Variants in MARCHF11 observed in about 807,000 individuals in gnomAD.
MARCHF11 encodes the protein E3 ubiquitin-protein ligase MARCHF11.
MARCHF11 carries 29 observed loss-of-function variants against 37.3 expected under a neutral mutation model. The observed-to-expected ratio is 0.78, with a 90% CI of 0.58 to 1.06. The LOEUF (loss-of-function observed/expected upper bound fraction) is 1.06, where lower values mean the gene tolerates loss of function less well. MARCHF11 is among the 50% of genes least tolerant of loss of function. The pLI, the probability that MARCHF11 is intolerant of heterozygous loss-of-function variation, is 0.00. For missense variants in MARCHF11, 482 were observed against 533.4 expected (o/e 0.90, Z 0.95); for synonymous variants, 233 against 228.0 (o/e 1.02, Z -0.20).
chr5:16,163,270 G>C (rs1447090302), intron 2 of MARCHF11, among the ~76,000 whole-genome samples: 4 of 151,944 alleles, frequency 2.6e-5, no homozygotes, highest in African/African-American at 9.7e-5. Context: ...GTGGCGGAAG[G>C]AGAAAATAGG....
intron 2 of MARCHF11, among the ~76,000 whole-genome samples, chr5:16,113,336 A>T (rs184474397): frequency 6.6e-4 from 100 of 152,318 alleles, no homozygotes; most frequent in African/African-American, 2.0e-3. Flanking sequence ...TCACTATTTC[A>T]ATAGTGTTCA....
intron 2 of MARCHF11, among the ~76,000 whole-genome samples, chr5:16,172,743 G>A (rs1738291419): frequency 6.6e-6 from 1 of 152,128 alleles, no homozygotes; most frequent in Admixed American, 6.5e-5. Context: ...AGGTGGAAAT[G>A]CCCCTTTCAT....
intron 2 of MARCHF11, among the ~76,000 whole-genome samples, chr5:16,116,361 A>T (rs994808708): frequency 6.6e-6 from 1 of 152,042 alleles, no homozygotes; most frequent in African/African-American, 2.4e-5. Flanking sequence ...ACTACCTCCA[A>T]TCCCATGCTC....
chr5:16,093,993 C>T (rs1736824871), intron 2 of MARCHF11, among the ~76,000 whole-genome samples: 1 of 152,084 alleles, frequency 6.6e-6, no homozygotes, highest in Admixed American at 6.6e-5. Flanking sequence ...AGTAAACAGA[C>T]GTTCCTCATA....
At chr5:16,104,333 A>T (rs1411642911) in intron 2 of MARCHF11, among the ~76,000 whole-genome samples, 2 of 152,108 alleles carry the variant, frequency 1.3e-5, no homozygotes, top group East Asian at 3.9e-4. Context: ...TGTAACAAAA[A>T]GCCCTTAAAA....
chr5:16,174,871 G>A (rs1738330697), intron 2 of MARCHF11, among the ~76,000 whole-genome samples: 1 of 152,202 alleles, frequency 6.6e-6, no homozygotes, highest in African/African-American at 2.4e-5. Flanking sequence ...CAGAAGTGGA[G>A]TCTATTTCCC....
chr5:16,168,489 T>C (rs982353004), intron 2 of MARCHF11, among the ~76,000 whole-genome samples: 3 of 152,124 alleles, frequency 2.0e-5, no homozygotes, highest in Non-Finnish European at 4.4e-5. Flanking sequence ...ATAGAAGCGA[T>C]GGTAGTATGA....
intron 2 of MARCHF11, among the ~76,000 whole-genome samples, chr5:16,147,678 A>G (rs1437735108): frequency 1.3e-5 from 1 of 78,644 alleles, no homozygotes; most frequent in African/African-American, 5.4e-5. Flanking sequence ...ATGACCATGA[A>G]TCTGTCCTCA....
At chr5:16,070,869 G>A (rs1736424603) in intron 3 of MARCHF11, among the ~76,000 whole-genome samples, 1 of 152,142 alleles carries the variant, frequency 6.6e-6, no homozygotes, top group African/African-American at 2.4e-5. Flanking sequence ...TTAGTCCTTG[G>A]CCTCTGCAAG....
chr5:16,093,632 G>A (rs569817669), intron 2 of MARCHF11, among the ~76,000 whole-genome samples: 1 of 152,176 alleles, frequency 6.6e-6, no homozygotes, highest in Non-Finnish European at 1.5e-5. Flanking sequence ...TGAATGAAGG[G>A]AGAGGCTCAC....
At chr5:16,075,798 T>G (rs1324140072) in intron 3 of MARCHF11, among the ~76,000 whole-genome samples, 5 of 152,162 alleles carry the variant, frequency 3.3e-5, no homozygotes, top group Admixed American at 3.3e-4. Flanking sequence ...CTGGGGCCCA[T>G]AGTTCACGAG....
chr5:16,107,419 C>A (rs762663020), intron 2 of MARCHF11, among the ~76,000 whole-genome samples: 1 of 151,464 alleles, frequency 6.6e-6, no homozygotes, highest in Non-Finnish European at 1.5e-5. Context: ...CTTCAAAAAA[C>A]GTCTTTGACA....
At chr5:16,110,206 T>C (rs1457973175) in intron 2 of MARCHF11, among the ~76,000 whole-genome samples, 1 of 152,200 alleles carries the variant, frequency 6.6e-6, no homozygotes, top group African/African-American at 2.4e-5. Flanking sequence ...GCAAATTATA[T>C]TCAGATTTTT....
At chr5:16,157,387 C>A (rs768803384) in intron 2 of MARCHF11, among the ~76,000 whole-genome samples, 6 of 151,798 alleles carry the variant, frequency 4.0e-5, no homozygotes, top group Non-Finnish European at 8.8e-5. Context: ...ATAGCTAAAG[C>A]AATCCTGAGA....
intron 3 of MARCHF11, among the ~76,000 whole-genome samples, chr5:16,080,311 G>C (rs927379034): frequency 6.6e-6 from 1 of 152,038 alleles, no homozygotes; most frequent in Admixed American, 6.6e-5. Context: ...TCCTCCTCAT[G>C]TGCCTGACCC....
At chr5:16,084,883 C>A (rs1736670241) in intron 3 of MARCHF11, among the ~76,000 whole-genome samples, 2 of 151,178 alleles carry the variant, frequency 1.3e-5, no homozygotes, top group South Asian at 4.2e-4. Flanking sequence ...AAAAGAAAGA[C>A]AACATAAACA....
intron 2 of MARCHF11, among the ~76,000 whole-genome samples, chr5:16,113,941 A>T (rs905265066): frequency 2.6e-5 from 4 of 151,396 alleles, no homozygotes; most frequent in African/African-American, 4.9e-5. Context: ...CCTCTTTTCA[A>T]CTCCCTCCCC....
intron 2 of MARCHF11, among the ~76,000 whole-genome samples, chr5:16,146,441 A>T (rs80022581): frequency 0.032 from 4,917 of 152,266 alleles, 285 homozygotes; most frequent in African/African-American, 0.11. Context: ...AAGAGTATTC[A>T]TGTTGAGGAT....
intron 2 of MARCHF11, among the ~76,000 whole-genome samples, chr5:16,102,911 A>G (rs920338147): frequency 7.2e-5 from 11 of 152,206 alleles, no homozygotes; most frequent in African/African-American, 2.4e-4. Flanking sequence ...TGGCTGATTA[A>G]GGGAGCCACC....
Sources: gnomAD v4.1 joint callset for allele counts (sites outside exome capture counted in the v4.1 genomes callset) on GRCh38, gnomAD v4.1.1 for gene constraint, MANE v1.5 for transcripts, NCBI Gene and HGNC (gene_info 2026-07-23, HGNC 2026-07-21) for gene names.